The following PSKH2 variants were observed in gnomAD, a reference collection of about 807,000 sequenced individuals.
PSKH2 encodes the protein protein serine kinase H2.
A neutral mutation model predicts 22.5 loss-of-function variants in PSKH2; 16 were observed. The ratio of observed to expected loss-of-function variants is 0.71; its 90% CI spans 0.48 to 1.08. The LOEUF (loss-of-function observed/expected upper bound fraction) is 1.08, where lower values mean the gene tolerates loss of function less well. PSKH2 is among the 50% of genes least tolerant of loss of function. PSKH2 has a pLI of 0.00. For synonymous variants in PSKH2, 188 were observed against 184.8 expected, an observed-to-expected ratio of 1.02 and a Z score of -0.14; for missense variants, 516 against 492.8, an observed-to-expected ratio of 1.05 and a Z score of -0.44.
chr8:86,064,331 C>A lies in PSKH2; in HGVS notation c.486G>T (p.Arg162Ser). 2 of 1,614,156 alleles carry A rather than the reference C, an allele frequency of 1.2e-6. No homozygotes were observed. The highest frequency in any genetic ancestry group is 1.7e-6 in the Non-Finnish European group (2 of 1,180,028). ...TCCCATCAGCAACCATCTGGAGGATCCTGACGGCATCCCGCTCTGTAAAGG... is the reference window on the plus strand; with the variant it reads ...TCCCATCAGCAACCATCTGGAGGATACTGACGGCATCCCGCTCTGTAAAGG... ...QGSFTERDAV[R>S]ILQMVADGIR... Residue 162 changes from arginine (R) to serine (S), a missense_variant, in exon 2 of 3, where the codon AGG (arginine) becomes AGT (serine). By Grantham distance (110) the Arg-to-Ser change is moderately radical. Coordinates refer to ENST00000276616, the MANE Select transcript of PSKH2 (RefSeq NM_033126.3).
intron 1 of PSKH2, among the ~76,000 whole-genome samples, chr8:86,068,582 A>G (rs1302765346): frequency 1.3e-5 from 2 of 152,176 alleles, no homozygotes; most frequent in Admixed American, 6.5e-5. Context: ...CTCCCATTTT[A>G]CAGAGCTAGA....
Position 86,064,595 on chromosome 8 carries a change from G to A in PSKH2, c.222C>T (p.Phe74=), listed in dbSNP as rs1426439387. ...TCTGCTCTACCCTGACAACCCTGCT[G>A]AAACTGCCTGTCCCAATAAGAGCTT... ...DIKALIGTGS[F]SRVVRVEQKT... is the part of the protein sequence containing the mutation. Residue 74 remains phenylalanine, a synonymous_variant, in exon 2 of 3, where the codon TTC becomes TTT. Transcript: ENST00000276616. 6.2e-7 allele frequency: 1 copy of A among 1,613,642 alleles called. No individual in the cohort carries two copies. The highest frequency in any genetic ancestry group is 1.7e-5 in the Admixed American group (1 of 59,962).
At chr8:86,067,413 C>G (rs961571109) in intron 1 of PSKH2, among the ~76,000 whole-genome samples, 4 of 84,348 alleles carry the variant, frequency 4.7e-5, no homozygotes, top group Admixed American at 1.2e-4. Context: ...TCACTGAATA[C>G]ATATTATTCC....
intron 2 of PSKH2, among the ~76,000 whole-genome samples, chr8:86,063,627 A>C (rs1471471264): frequency 6.6e-6 from 1 of 152,248 alleles, no homozygotes; most frequent in African/African-American, 2.4e-5. Flanking sequence ...GGAGAAAAAA[A>C]CTGCAGAGGA....
chr8:86,064,056 G>A lies in PSKH2; in HGVS notation c.761C>T (p.Ala254Val). The change falls in exon 2 of 3, where the codon GCT becomes GTT. Residue 254 changes from alanine to valine, a missense_variant. Physicochemically the swap from Ala to Val is moderately conservative, Grantham distance 64. Transcript: ENST00000276616. ...DMWALGVITY[A>V]LLSGFLPFDD... is the part of the protein sequence containing the mutation. Reference sequence around the variant, plus strand: ...AAAAGGCAGGAATCCGCTAAGTAAAGCATATGTGATCACACCAAGAGCCCA... The same window carrying A: ...AAAAGGCAGGAATCCGCTAAGTAAAACATATGTGATCACACCAAGAGCCCA... 1 of 1,614,068 alleles carries A rather than the reference G, an allele frequency of 6.2e-7. No individual in the cohort carries two copies. Among genetic ancestry groups the A allele is most frequent in the Non-Finnish European group, 8.5e-7 (1 of 1,180,004 alleles).
At chr8:86,062,076 T>C (rs1368403104) in intron 2 of PSKH2, among the ~76,000 whole-genome samples, 1 of 152,238 alleles carries the variant, frequency 6.6e-6, no homozygotes, top group East Asian at 1.9e-4. Context: ...TGCTATTATA[T>C]TTCCTCCTAG....
At position 86,064,052 on chromosome 8, in the gene PSKH2, T is replaced by TAAAGC; in HGVS notation, c.760_764dup (p.Ser257TyrfsTer21). 1 of 1,614,146 alleles carries TAAAGC rather than the reference T, an allele frequency of 6.2e-7. No individual in the cohort carries two copies. Among genetic ancestry groups the TAAAGC allele is most frequent in the Non-Finnish European group, 8.5e-7 (1 of 1,180,022 alleles). On this transcript the variant is annotated frameshift_variant, in exon 2 of 3. Coordinates refer to ENST00000276616, the MANE Select transcript of PSKH2 (RefSeq NM_033126.3). LOFTEE classifies it high-confidence loss of function. ...CATCAAAAGGCAGGAATCCGCTAAG[T>TAAAGC]AAAGCATATGTGATCACACCAAGAG...
At chr8:86,062,573 T>C (rs1281393159) in intron 2 of PSKH2, among the ~76,000 whole-genome samples, 1 of 152,046 alleles carries the variant, frequency 6.6e-6, no homozygotes, top group Admixed American at 6.6e-5. Flanking sequence ...TAACGAGATC[T>C]GATGGTTTTA....
At position 86,064,132 on chromosome 8, in the gene PSKH2, T is replaced by A; in HGVS notation, c.685A>T (p.Ile229Leu). The A allele has an allele frequency of 6.2e-7, 1 of 1,614,162 alleles. No homozygotes were observed. Among genetic ancestry groups the A allele is most frequent in the South Asian group, 1.1e-5 (1 of 91,078 alleles). ...MKTLCGTPEY[I>L]APEVLLRKPY... is the part of the protein sequence containing the mutation. ...TTCCTTAGCAAAACCTCAGGAGCTA[T>A]GTACTCTGGGGTCCCACAGAGTGTC... is the stretch of plus-strand genomic sequence containing the variant. Residue 229 changes from isoleucine (I) to leucine (L), a missense_variant, in exon 2 of 3, where the codon ATA (isoleucine) becomes TTA (leucine). Ile to Leu is a conservative substitution (Grantham distance 5, BLOSUM62 2). Transcript: ENST00000276616.
chr8:86,068,633 A>G (rs762153463), intron 1 of PSKH2, among the ~76,000 whole-genome samples: 1 of 152,236 alleles, frequency 6.6e-6, no homozygotes. Context: ...TCTACATGGT[A>G]CATGATAGAA....
rs188230898 is a variant in PSKH2, at chr8:86,049,509, T to C, written c.853-742A>G. ...AGGCATTCAAGGCTGCAGTGAGCTA[T>C]GATGGCAGCACCACACTCCAGCCTG... On this transcript the variant is annotated intron_variant, in intron 2 of 2. Transcript: ENST00000276616. Among the ~76,000 whole-genome samples, 286 of 150,808 alleles carry C rather than the reference T, an allele frequency of 1.9e-3. 2 individuals carry two copies. Among genetic ancestry groups the C allele is most frequent in the Non-Finnish European group, 3.4e-3 (232 of 67,802 alleles).
chr8:86,059,113 G>T (rs1817743706), intron 2 of PSKH2, among the ~76,000 whole-genome samples: 1 of 151,900 alleles, frequency 6.6e-6, no homozygotes, highest in Admixed American at 6.6e-5. Context: ...CTAATTTTTT[G>T]TATTTTTTGT....
intron 2 of PSKH2, among the ~76,000 whole-genome samples, chr8:86,052,396 C>A (rs937635531): frequency 2.0e-5 from 3 of 152,156 alleles, no homozygotes; most frequent in African/African-American, 7.2e-5. Flanking sequence ...AGCATGAAGT[C>A]CTTGGATCTG....
In PSKH2 at chr8:86,064,120, C is replaced by T. The variant is rs553446782; in HGVS notation, c.697G>A (p.Val233Ile). The T allele has an allele frequency of 1.7e-5, 27 of 1,614,114 alleles. No homozygotes were observed. The South Asian group carries it at 3.0e-4, about 18-fold the overall frequency. ...CGTPEYIAPE[V>I]LLRKPYTSAV... The stretch of plus-strand genomic sequence containing the variant: ...CTGGTATAAGGCTTCCTTAGCAAAA[C>T]CTCAGGAGCTATGTACTCTGGGGTC... Residue 233 changes from valine to isoleucine, a missense_variant, in exon 2 of 3, where the codon GTT becomes ATT. Coordinates refer to ENST00000276616, the MANE Select transcript of PSKH2 (RefSeq NM_033126.3).
At chr8:86,055,222 T>C (rs1385357568) in intron 2 of PSKH2, among the ~76,000 whole-genome samples, 1 of 152,160 alleles carries the variant, frequency 6.6e-6, no homozygotes. Flanking sequence ...CTCTGTGAAT[T>C]CCACTGATGA....
intron 2 of PSKH2, among the ~76,000 whole-genome samples, chr8:86,052,230 T>C (rs1025678762): frequency 1.3e-5 from 2 of 152,152 alleles, no homozygotes; most frequent in Non-Finnish European, 2.9e-5. Context: ...AGCTTTCCCA[T>C]CCACTTGATG....
chr8:86,063,897 C>G (rs1817813388), intron 2 of PSKH2, 68 bp downstream of exon 2: 5 of 1,302,982 alleles, frequency 3.8e-6, no homozygotes, highest in African/African-American at 1.5e-5. Context: ...TCTTAAATGT[C>G]AAAAGTGACA....
chr8:86,062,192 T>C (rs1240467399), intron 2 of PSKH2, among the ~76,000 whole-genome samples: 1 of 152,222 alleles, frequency 6.6e-6, no homozygotes, highest in African/African-American at 2.4e-5. Context: ...AATTTTCCAA[T>C]GTCATTACAA....
At chr8:86,069,822 T>A (rs1817922256), upstream of PSKH2, 2 of 576,706 alleles carry the variant, frequency 3.5e-6, no homozygotes, top group South Asian at 2.9e-5. Context: ...TCACCGTCTG[T>A]GTGTGTAATC....
Sources: allele counts gnomAD v4.1 joint callset (sites outside exome capture counted in the v4.1 genomes callset), GRCh38; gene constraint gnomAD v4.1.1; transcripts MANE v1.5; gene names NCBI Gene and HGNC (gene_info 2026-07-23, HGNC 2026-07-21).